Variants in DDX60 observed in about 807,000 individuals in gnomAD.
DDX60 encodes the protein DExD/H-box helicase 60, also known as probable ATP-dependent RNA helicase DDX60.
A neutral mutation model predicts 212.8 loss-of-function variants in DDX60; 165 were observed. The observed-to-expected ratio is 0.78, with a 90% confidence interval of 0.68 to 0.88. The LOEUF (loss-of-function observed/expected upper bound fraction) is 0.88, where lower values mean the gene tolerates loss of function less well. DDX60 is among the 40% of genes least tolerant of loss of function. The pLI is 0.00. For missense variants in DDX60, 1,905 were observed against 2,003.9 expected (o/e 0.95, Z 0.94); for synonymous variants, 703 against 685.3 (o/e 1.03, Z -0.40).
chr4:168,256,411 C>T (rs1734414988), intron 25 of DDX60, among the ~76,000 whole-genome samples: 1 of 152,100 alleles, frequency 6.6e-6, no homozygotes, highest in South Asian at 2.1e-4. Flanking sequence ...TCTCCAAGGT[C>T]TGGGCTTTAT....
chr4:168,257,391 C>A (rs1221942095), intron 25 of DDX60, among the ~76,000 whole-genome samples: 1 of 152,130 alleles, frequency 6.6e-6, no homozygotes, highest in South Asian at 2.1e-4. Context: ...GTACTCACAA[C>A]AATCCTATGA....
At chr4:168,238,655 T>C (rs1028969393) in intron 30 of DDX60, among the ~76,000 whole-genome samples, 2 of 152,022 alleles carry the variant, frequency 1.3e-5, no homozygotes, top group African/African-American at 4.8e-5. Flanking sequence ...ATGCCACATA[T>C]AGTCAGAGAT....
intron 27 of DDX60, 152 bp downstream of exon 27, chr4:168,252,357 G>T: frequency 1.1e-6 from 1 of 899,764 alleles, no homozygotes; most frequent in Non-Finnish European, 1.7e-6. Flanking sequence ...ATTCAAGAGT[G>T]ATATGTAGCT....
At chr4:168,308,319 C>T in intron 3 of DDX60, 124 bp from the exon 4 acceptor site, 2 of 611,306 alleles carry the variant, frequency 3.3e-6, no homozygotes, top group South Asian at 2.1e-5. Context: ...TGTCTCATGG[C>T]AGTGTCTACA....
chr4:168,217,901 C>T (rs1732907772), intron 37 of DDX60, among the ~76,000 whole-genome samples: 3 of 152,180 alleles, frequency 2.0e-5, no homozygotes, highest in Admixed American at 1.3e-4. Context: ...ACATTTTGGA[C>T]TTCTGACCTC....
intron 28 of DDX60, 52 bp from the exon 29 acceptor site, chr4:168,248,344 C>T: frequency 1.5e-6 from 2 of 1,345,054 alleles, no homozygotes; most frequent in Non-Finnish European, 2.0e-6. Flanking sequence ...TAATAGAATG[C>T]AAGTATTTCC....
intron 7 of DDX60, among the ~76,000 whole-genome samples, chr4:168,292,946 A>T (rs1042082853): frequency 4.6e-5 from 7 of 152,218 alleles, no homozygotes; most frequent in African/African-American, 1.7e-4. Flanking sequence ...TGGAAAAACA[A>T]TTATAAGGAT....
intron 5 of DDX60, among the ~76,000 whole-genome samples, chr4:168,304,550 A>T (rs1224568096): frequency 6.6e-6 from 1 of 151,942 alleles, no homozygotes; most frequent in East Asian, 1.9e-4. Flanking sequence ...AAAATACAAA[A>T]ATTAGCTAGG....
chr4:168,225,130 A>C (rs1733204727), intron 34 of DDX60, among the ~76,000 whole-genome samples: 1 of 152,066 alleles, frequency 6.6e-6, no homozygotes, highest in African/African-American at 2.4e-5. Context: ...TCTCTTGCTC[A>C]AGATCTCACA....
intron 25 of DDX60, 21 bp from the exon 26 acceptor site, chr4:168,255,890 C>T (rs17053879): frequency 0.026 from 39,885 of 1,562,758 alleles, 3,066 homozygotes; most frequent in African/African-American, 0.21. Context: ...AAAGAATGTG[C>T]GCCTTGAAAA....
chr4:168,324,626 T>C, the DDX60 span, among the ~76,000 whole-genome samples: 7 of 152,344 alleles, frequency 4.6e-5, no homozygotes, highest in African/African-American at 1.7e-4. Flanking sequence ...GGGACAGTTA[T>C]GTTCCTCTGC....
rs1238806401 is a variant in DDX60 at position 168,237,754 on chromosome 4, T to A, written c.4206A>T (p.Gln1402His). 2.5e-6 allele frequency: 4 copies of A among 1,611,984 alleles called. No individual in the cohort carries two copies. The South Asian group carries it at 3.3e-5, about 13-fold the overall frequency. The change falls in exon 31 of 38, where the codon CAA becomes CAT. Residue 1402 changes from glutamine to histidine, a missense_variant. By Grantham distance (24) the Gln-to-His change is conservative (BLOSUM62 0). Transcript: ENST00000393743. ...GTTTTAACATGTCCATGACTCTGGG[T>A]TGCTTGAAGGACAGCAATGAATGCT... ...VLKHSLLSFK[Q>H]PRVMDMLKLY...
Position 168,285,359 on chromosome 4 carries a change from AGTATTTATTGAGGCACAGTTT to A in DDX60, c.1445+13_1445+33del. On this transcript the variant is annotated intron_variant, in intron 11 of 37. Coordinates refer to ENST00000393743, the MANE Select transcript of DDX60 (RefSeq NM_017631.6). ...TTGAGTAACTCATGTATTCCACACA[AGTATTTATTGAGGCACAGTTT>A]TTGGCCTTATACCTCTTTAGAAAAG... is the stretch of plus-strand genomic sequence containing the variant. The A allele has an allele frequency of 8.1e-7, 1 of 1,235,208 alleles. No individual in the cohort carries two copies. Among genetic ancestry groups the A allele is most frequent in the Non-Finnish European group, 1.2e-6 (1 of 844,304 alleles). The allele number at this position is 1,235,208 out of a possible 1,614,324, so 76.5% of individuals were successfully genotyped here.
chr4:168,305,869 C>A (rs1405269427), intron 5 of DDX60, among the ~76,000 whole-genome samples: 1 of 151,962 alleles, frequency 6.6e-6, no homozygotes, highest in East Asian at 1.9e-4. Context: ...CCATTGTTTT[C>A]TTATTAAAGG....
chr4:168,316,441 T>A (rs1737383507), intron 1 of DDX60, among the ~76,000 whole-genome samples: 1 of 152,112 alleles, frequency 6.6e-6, no homozygotes, highest in Non-Finnish European at 1.5e-5. Flanking sequence ...CACAAAGGGA[T>A]GAATGAAAGA....
intron 33 of DDX60, among the ~76,000 whole-genome samples, chr4:168,230,777 G>C (rs1203317292): frequency 6.6e-6 from 1 of 151,848 alleles, no homozygotes; most frequent in African/African-American, 2.4e-5. Context: ...ACCCCTCAAG[G>C]AACTAGAGAA....
intron 25 of DDX60, among the ~76,000 whole-genome samples, chr4:168,256,687 A>G (rs1734426106): frequency 6.6e-6 from 1 of 152,224 alleles, no homozygotes; most frequent in Non-Finnish European, 1.5e-5. Flanking sequence ...TTTTTACAGG[A>G]GCACTGAAAA....
At position 168,287,131 on chromosome 4, in the gene DDX60, A is replaced by C; in HGVS notation, c.1256T>G (p.Val419Gly). ...EYLWNTVSKLVRDFEVGQPFP... is the reference protein window; with the variant it reads ...EYLWNTVSKLGRDFEVGQPFP... Reference sequence around the variant, plus strand: ...TGGCTGTCCAACCTCAAAGTCTCTGACCAACTTTGATACGGTATTCCAGAG... The same window carrying C: ...TGGCTGTCCAACCTCAAAGTCTCTGCCCAACTTTGATACGGTATTCCAGAG... The change falls in exon 10 of 38, where the codon GTC becomes GGC. Residue 419 changes from valine (V) to glycine (G), a missense_variant. Transcript: ENST00000393743. 6.2e-7 allele frequency: 1 copy of C among 1,612,474 alleles called. No homozygotes were observed. Among genetic ancestry groups the C allele is most frequent in the Non-Finnish European group, 8.5e-7 (1 of 1,179,300 alleles).
chr4:168,247,067 A>G (rs1159299239), intron 29 of DDX60, among the ~76,000 whole-genome samples: 1 of 152,222 alleles, frequency 6.6e-6, no homozygotes, highest in Non-Finnish European at 1.5e-5. Flanking sequence ...TATGGGCACA[A>G]ACAGAATAAA....
Sources: gnomAD v4.1 joint callset for allele counts (sites outside exome capture counted in the v4.1 genomes callset) on GRCh38, gnomAD v4.1.1 for gene constraint, MANE v1.5 for transcripts, NCBI Gene and HGNC (gene_info 2026-07-23, HGNC 2026-07-21) for gene names.